DOCK4: variants seen among roughly 807,000 people sequenced by gnomAD.
DOCK4 encodes the protein dedicator of cytokinesis protein 4.
Under a neutral mutation model 268.1 loss-of-function variants are expected in DOCK4, and 97 were observed. That is an observed-to-expected ratio of 0.36 (90% CI 0.31 to 0.43). The LOEUF (loss-of-function observed/expected upper bound fraction) is 0.43, where lower values mean the gene tolerates loss of function less well. DOCK4 is among the 20% of genes least tolerant of loss of function. DOCK4 has a pLI of 1.00. For missense variants in DOCK4, 2,145 were observed against 2,455.7 expected (o/e 0.87, Z 2.67); for synonymous variants, 954 against 887.2 (o/e 1.08, Z -1.34).
chr7:111,888,130 G>A (rs983725451), intron 16 of DOCK4, among the ~76,000 whole-genome samples: 5 of 151,702 alleles, frequency 3.3e-5, no homozygotes, highest in African/African-American at 1.2e-4. Context: ...TAGTTTGCCT[G>A]CAATGTTGAT....
intron 1 of DOCK4, among the ~76,000 whole-genome samples, chr7:112,130,776 C>T (rs955368467): frequency 9.5e-4 from 144 of 152,276 alleles, no homozygotes; most frequent in African/African-American, 3.2e-3. Flanking sequence ...CAGACGCGTC[C>T]TACCAAAAGG....
At chr7:112,065,009 T>G (rs1806787203) in intron 1 of DOCK4, among the ~76,000 whole-genome samples, 1 of 152,194 alleles carries the variant, frequency 6.6e-6, no homozygotes, top group Non-Finnish European at 1.5e-5. Flanking sequence ...AAGTTTCTGT[T>G]GTTTCAGCCT....
chr7:111,828,432 G>C (rs1802563995), intron 26 of DOCK4, among the ~76,000 whole-genome samples: 1 of 152,116 alleles, frequency 6.6e-6, no homozygotes, highest in Non-Finnish European at 1.5e-5. Context: ...AGATACTTGA[G>C]AGCCACATAC....
intron 39 of DOCK4, among the ~76,000 whole-genome samples, chr7:111,763,107 G>T (rs766047471): frequency 2.7e-5 from 4 of 146,902 alleles, no homozygotes; most frequent in Non-Finnish European, 4.4e-5. Context: ...TCCCTACTTA[G>T]ATCATAAAAG....
intron 51 of DOCK4, among the ~76,000 whole-genome samples, chr7:111,733,940 T>C (rs1795289364): frequency 6.6e-6 from 1 of 152,136 alleles, no homozygotes; most frequent in Non-Finnish European, 1.5e-5. Flanking sequence ...AGGTGGCACA[T>C]AGTTTATTGT....
chr7:111,769,506 C>G (rs771459066), intron 37 of DOCK4, 23 bp downstream of exon 37: 10 of 1,612,560 alleles, frequency 6.2e-6, no homozygotes, highest in South Asian at 3.3e-5. Context: ...AGGAGGGACC[C>G]CGGGCGGGGC....
intron 1 of DOCK4, 106 bp from the exon 2 acceptor site, chr7:112,004,237 A>G (rs1323673067): frequency 4.8e-6 from 4 of 833,320 alleles, no homozygotes; most frequent in African/African-American, 1.7e-5. Context: ...GTATAATTTG[A>G]TAGCTGGAAC....
intron 16 of DOCK4, among the ~76,000 whole-genome samples, chr7:111,885,937 A>G (rs1285312530): frequency 1.3e-5 from 2 of 152,190 alleles, no homozygotes; most frequent in African/African-American, 4.8e-5. Context: ...CTGGAATAAA[A>G]ATCAGTTGGT....
rs115411705 is a variant in DOCK4 at position 111,876,471 on chromosome 7, G to T, written c.1744+559C>A. Among the ~76,000 whole-genome samples the T allele has an allele frequency of 2.4e-3, 360 of 152,052 alleles. 3 individuals carry two copies. The highest frequency in any genetic ancestry group is 7.6e-3 in the African/African-American group (314 of 41,508). On this transcript the variant is annotated intron_variant, in intron 17 of 52. Transcript: ENST00000428084. ...ATATAACTTATTTAATATAGCATTC[G>T]GGGTGCTAGCCAGAAGTCTTATATG...
chr7:111,790,024 C>A (rs1435113616), intron 31 of DOCK4, among the ~76,000 whole-genome samples: 3 of 152,078 alleles, frequency 2.0e-5, no homozygotes, highest in Admixed American at 2.0e-4. Flanking sequence ...TAAATTAATT[C>A]TCAATGCTTC....
intron 1 of DOCK4, among the ~76,000 whole-genome samples, chr7:112,012,740 A>G (rs1332332483): frequency 6.6e-6 from 1 of 152,224 alleles, no homozygotes; most frequent in African/African-American, 2.4e-5. Flanking sequence ...TTAAGAACTA[A>G]GATTATTTAA....
chr7:111,987,300 T>C (rs918675707), intron 6 of DOCK4, among the ~76,000 whole-genome samples: 3 of 152,214 alleles, frequency 2.0e-5, no homozygotes, highest in African/African-American at 7.2e-5. Flanking sequence ...CCCCTTTTCA[T>C]TCTGCCATCA....
chr7:111,868,474 G>C (rs1486830104), intron 21 of DOCK4, among the ~76,000 whole-genome samples: 4 of 152,176 alleles, frequency 2.6e-5, no homozygotes, highest in Admixed American at 1.3e-4. Flanking sequence ...ACTTTGGGAG[G>C]CCGAGGCGGG....
intron 23 of DOCK4, among the ~76,000 whole-genome samples, chr7:111,849,652 G>T (rs547590366): frequency 6.6e-6 from 1 of 152,074 alleles, no homozygotes; most frequent in Non-Finnish European, 1.5e-5. Context: ...AATGCTAACT[G>T]GAAATCACAA....
At chr7:111,747,223 C>CA in intron 43 of DOCK4, 44 bp downstream of exon 43, 1 of 1,573,708 alleles carries the variant, frequency 6.4e-7, no homozygotes, top group East Asian at 2.3e-5. Flanking sequence ...CCTAAGAAGT[C>CA]ACAATTGAAA....
chr7:112,201,088 T>C (rs1406553862), intron 1 of DOCK4, among the ~76,000 whole-genome samples: 2 of 152,194 alleles, frequency 1.3e-5, no homozygotes, highest in East Asian at 1.9e-4. Context: ...TAAGAAACTG[T>C]TAGCTAAGAA....
chr7:111,768,256 G>T (rs999495419), intron 37 of DOCK4, among the ~76,000 whole-genome samples: 1 of 152,138 alleles, frequency 6.6e-6, no homozygotes, highest in Non-Finnish European at 1.5e-5. Context: ...CCCGGGGATG[G>T]ACCAATAAAT....
intron 1 of DOCK4, among the ~76,000 whole-genome samples, chr7:112,045,834 T>C (rs943294733): frequency 6.6e-6 from 1 of 152,168 alleles, no homozygotes; most frequent in African/African-American, 2.4e-5. Context: ...CCATAGCAAA[T>C]ACTACCATTT....
chr7:112,028,003 G>A lies in DOCK4; in HGVS notation c.38-23872C>T, dbSNP rs569550317. 2.0e-4 allele frequency among the ~76,000 whole-genome samples: 31 copies of A among 152,262 alleles called. No homozygotes were observed. In the East Asian group the frequency reaches 4.3e-3, roughly 21 times the overall value. Reference sequence around the variant, plus strand: ...GGGCAGTACATAGAAGAGGATTACCGATACATCTGGGAGAGAGACAATAAA... The same window carrying A: ...GGGCAGTACATAGAAGAGGATTACCAATACATCTGGGAGAGAGACAATAAA... On this transcript the variant is annotated intron_variant, in intron 1 of 52. Transcript: ENST00000428084.
Sources: allele counts gnomAD v4.1 joint callset (sites outside exome capture counted in the v4.1 genomes callset), GRCh38; gene constraint gnomAD v4.1.1; transcripts MANE v1.5; gene names NCBI Gene and HGNC (gene_info 2026-07-23, HGNC 2026-07-21).